The following GLIS1 variants were observed in gnomAD, a reference collection of about 807,000 sequenced individuals.
GLIS1 encodes zinc finger protein GLIS1.
In GLIS1, 24 loss-of-function variants were observed where a neutral mutation model predicts 63.8. That is an observed-to-expected ratio of 0.38 (90% CI 0.27 to 0.53). GLIS1 has a LOEUF of 0.53. Ranked by LOEUF, GLIS1 falls within the 20% of genes least tolerant of loss-of-function variation. The probability of loss-of-function intolerance (pLI) is 0.85; values close to 1 mark genes in which losing one functional copy is unlikely to be tolerated. For synonymous variants in GLIS1, 450 were observed against 482.5 expected (o/e 0.93, Z 0.88); for missense variants, 1,036 against 1,074.1 (o/e 0.96, Z 0.50).
At chr1:53,677,623 G>GC (rs1646227547) in intron 2 of GLIS1, among the ~76,000 whole-genome samples, 1 of 152,244 alleles carries the variant, frequency 6.6e-6, no homozygotes, top group Non-Finnish European at 1.5e-5. Flanking sequence ...AAATTGAGGG[G>GC]CCTCTGCAGG....
At chr1:53,715,729 C>T (rs756806083) in intron 2 of GLIS1, among the ~76,000 whole-genome samples, 1 of 152,144 alleles carries the variant, frequency 6.6e-6, no homozygotes. Flanking sequence ...GTCACTGTGC[C>T]TAATGTTACT....
At chr1:53,624,339 T>A (rs1032826158) in intron 2 of GLIS1, among the ~76,000 whole-genome samples, 1 of 152,174 alleles carries the variant, frequency 6.6e-6, no homozygotes, top group Non-Finnish European at 1.5e-5. Context: ...GATAACTGTA[T>A]GGAAAAGATG....
chr1:53,556,055 G>A (rs1200103707), intron 4 of GLIS1, among the ~76,000 whole-genome samples: 11 of 94,684 alleles, frequency 1.2e-4, no homozygotes, highest in African/African-American at 5.9e-4. Context: ...GTGTGTGTGT[G>A]TATGCAGGTA....
chr1:53,732,738 A>G (rs1646875614), intron 2 of GLIS1, among the ~76,000 whole-genome samples: 1 of 151,528 alleles, frequency 6.6e-6, no homozygotes, highest in South Asian at 2.1e-4. Context: ...AAAATAAACT[A>G]CCCCCCACCA....
rs148045969 is a variant in GLIS1, at chr1:53,662,850, C to T, written c.260-62572G>A. Among the ~76,000 whole-genome samples the T allele has an allele frequency of 2.0e-3, 301 of 152,308 alleles. 1 individual carries two copies. Among genetic ancestry groups the T allele is most frequent in the Non-Finnish European group, 3.5e-3 (235 of 68,034 alleles). ...AGCACCAATGTGGGCTGAGACTGTT[C>T]TAAGTCCTTTACAGAGACCATCTCC... is the stretch of plus-strand genomic sequence containing the variant. On this transcript the variant is annotated intron_variant, in intron 2 of 10. Transcript: ENST00000628545.
At chr1:53,674,890 C>T (rs1245270427) in intron 2 of GLIS1, among the ~76,000 whole-genome samples, 2 of 152,108 alleles carry the variant, frequency 1.3e-5, no homozygotes, top group Non-Finnish European at 2.9e-5. Context: ...TCAGGCAGTG[C>T]GGGATGAGCC....
At chr1:53,601,757 G>T (rs1645319946) in intron 2 of GLIS1, among the ~76,000 whole-genome samples, 1 of 152,186 alleles carries the variant, frequency 6.6e-6, no homozygotes, top group Non-Finnish European at 1.5e-5. Flanking sequence ...TAATCGCTAT[G>T]TAATAAGAAG....
chr1:53,521,578 T>G (rs1644409588), intron 6 of GLIS1, among the ~76,000 whole-genome samples: 1 of 152,098 alleles, frequency 6.6e-6, no homozygotes, highest in African/African-American at 2.4e-5. Context: ...TGACGATGGC[T>G]GGGGGCATGC....
At chr1:53,703,828 A>G (rs1646549359) in intron 2 of GLIS1, among the ~76,000 whole-genome samples, 1 of 152,066 alleles carries the variant, frequency 6.6e-6, no homozygotes, top group South Asian at 2.1e-4. Context: ...CTGGGCCGGG[A>G]AGGCTTTCCA....
At chr1:53,606,222 T>C (rs1645368243) in intron 2 of GLIS1, among the ~76,000 whole-genome samples, 1 of 152,152 alleles carries the variant, frequency 6.6e-6, no homozygotes, top group South Asian at 2.1e-4. Context: ...AGAGACATGG[T>C]CAACAGCCCC....
chr1:53,650,061 C>T (rs1486206343), intron 2 of GLIS1, among the ~76,000 whole-genome samples: 1 of 152,150 alleles, frequency 6.6e-6, no homozygotes, highest in Non-Finnish European at 1.5e-5. Flanking sequence ...AAAGTGATCA[C>T]CTCCAGATGG....
Position 53,594,520 on chromosome 1 carries a change from TC to T in GLIS1, c.907del (p.Asp303ThrfsTer18). On this transcript the variant is annotated frameshift_variant, in exon 4 of 11. Transcript: ENST00000628545. LOFTEE classifies it high-confidence loss of function. ...KRARPGPAST[D>X]SHEGSLQLEA... Reference sequence around the variant, plus strand: ...AAGTTGCAAGCTGCCCTCATGGCTGTCCGTCGATGCAGGGCCAGGCCGGGCC... The same window carrying T: ...AAGTTGCAAGCTGCCCTCATGGCTGTCGTCGATGCAGGGCCAGGCCGGGCC... 6.2e-7 allele frequency: 1 copy of T among 1,612,110 alleles called. No individual in the cohort carries two copies. Among genetic ancestry groups the T allele is most frequent in the South Asian group, 1.1e-5 (1 of 91,058 alleles).
At chr1:53,638,307 A>G (rs1645748461) in intron 2 of GLIS1, among the ~76,000 whole-genome samples, 1 of 152,192 alleles carries the variant, frequency 6.6e-6, no homozygotes. Flanking sequence ...CCCAAAGACA[A>G]CGTGGTCCGT....
chr1:53,586,071 C>A (rs1201936362), intron 4 of GLIS1, among the ~76,000 whole-genome samples: 1 of 152,186 alleles, frequency 6.6e-6, no homozygotes, highest in Non-Finnish European at 1.5e-5. Flanking sequence ...TCAGTCTCCC[C>A]TCTGCACAGT....
At chr1:53,577,401 T>C (rs1388569238) in intron 4 of GLIS1, among the ~76,000 whole-genome samples, 1 of 152,210 alleles carries the variant, frequency 6.6e-6, no homozygotes, top group Non-Finnish European at 1.5e-5. Context: ...TGCCTCCTGG[T>C]GACCTGTCCC....
chr1:53,568,059 T>C (rs1322569631), intron 4 of GLIS1, among the ~76,000 whole-genome samples: 1 of 152,202 alleles, frequency 6.6e-6, no homozygotes, highest in Non-Finnish European at 1.5e-5. Context: ...TTGCACCATG[T>C]GCCTGGGAAA....
chr1:53,668,443 C>T (rs545481078), intron 2 of GLIS1, among the ~76,000 whole-genome samples: 3 of 152,326 alleles, frequency 2.0e-5, no homozygotes, highest in South Asian at 4.1e-4. Context: ...CTCACTGCAA[C>T]TGCTGCCCCC....
At chr1:53,680,076 G>A (rs1646258079) in intron 2 of GLIS1, among the ~76,000 whole-genome samples, 1 of 152,034 alleles carries the variant, frequency 6.6e-6, no homozygotes, top group African/African-American at 2.4e-5. Context: ...CAGATCCCCA[G>A]TCCCCAGCCC....
intron 7 of GLIS1, among the ~76,000 whole-genome samples, chr1:53,519,190 TC>T (rs1644381975): frequency 6.6e-6 from 1 of 152,102 alleles, no homozygotes; most frequent in South Asian, 2.1e-4. Context: ...TTTTAGCAAT[TC>T]TGACCCTATG....
Sources: gnomAD v4.1 joint callset for allele counts (sites outside exome capture counted in the v4.1 genomes callset) on GRCh38, gnomAD v4.1.1 for gene constraint, MANE v1.5 for transcripts, NCBI Gene and HGNC (gene_info 2026-07-23, HGNC 2026-07-21) for gene names.